Variants in SLC44A3 observed in about 807,000 individuals in gnomAD.
The protein encoded by SLC44A3 is solute carrier family 44 member 3.
A neutral mutation model predicts 75.4 loss-of-function variants in SLC44A3; 74 were observed. That is an observed-to-expected ratio of 0.98 (90% CI 0.81 to 1.19). The LOEUF (loss-of-function observed/expected upper bound fraction) is 1.19. Ranked by LOEUF, SLC44A3 falls within the 50% of genes most tolerant of loss-of-function variation. SLC44A3 has a pLI of 0.00. For missense variants in SLC44A3, 700 were observed against 778.6 expected, an observed-to-expected ratio of 0.90 and a Z score of 1.20; for synonymous variants, 310 against 296.9, an observed-to-expected ratio of 1.04 and a Z score of -0.45.
chr1:94,828,568 G>C lies in SLC44A3; in HGVS notation c.491G>C (p.Arg164Thr). The C allele has an allele frequency of 3.1e-6, 5 of 1,613,730 alleles. No individual in the cohort carries two copies. The highest frequency in any genetic ancestry group is 4.2e-6 in the Non-Finnish European group (5 of 1,179,820). ...HSPKADSLCP[R>T]LPVPPSKSFP... is the part of the protein sequence containing the mutation. Reference sequence around the variant, plus strand: ...CCAAAAGCAGACTCACTGTGTCCCAGGCTACCAGTTCCTCCAAGGTAAAAG... The same window carrying C: ...CCAAAAGCAGACTCACTGTGTCCCACGCTACCAGTTCCTCCAAGGTAAAAG... The change falls in exon 5 of 15, where the codon AGG (arginine) becomes ACG (threonine). Residue 164 changes from arginine (R) to threonine (T), a missense_variant. By Grantham distance (71) the Arg-to-Thr change is moderately conservative. Coordinates refer to ENST00000271227, the MANE Select transcript of SLC44A3 (RefSeq NM_001114106.3).
At chr1:94,825,013 A>G (rs948143057) in intron 3 of SLC44A3, among the ~76,000 whole-genome samples, 2 of 152,214 alleles carry the variant, frequency 1.3e-5, no homozygotes, top group Non-Finnish European at 2.9e-5. Flanking sequence ...AATCAGAATC[A>G]TGTTACCAAT....
intron 12 of SLC44A3, among the ~76,000 whole-genome samples, chr1:94,880,238 A>G (rs1209017549): frequency 6.6e-6 from 1 of 152,254 alleles, no homozygotes; most frequent in Non-Finnish European, 1.5e-5. Flanking sequence ...TCATCACAGC[A>G]TACGCTCAAT....
At position 94,859,522 on chromosome 1, in the gene SLC44A3, G is replaced by A. The variant is rs1666326058; in HGVS notation, c.1238+2022G>A. ...GGACAAATAAGATGCAGCCTGAAGT[G>A]AGCCACAGAATCCCAGAGAGGCTCA... On this transcript the variant is annotated intron_variant, in intron 10 of 14. Coordinates refer to ENST00000271227, the MANE Select transcript of SLC44A3 (RefSeq NM_001114106.3). 2.0e-5 allele frequency among the ~76,000 whole-genome samples: 3 copies of A among 152,202 alleles called. No individual in the cohort carries two copies. In the South Asian group the frequency reaches 6.2e-4, roughly 32 times the overall value.
In SLC44A3 at chr1:94,892,463, G is replaced by A. The variant is rs778780276; in HGVS notation, c.1803G>A (p.Leu601=). Residue 601 remains leucine (L), a synonymous_variant, in exon 14 of 15, where the codon CTG becomes CTA. Coordinates refer to ENST00000271227, the MANE Select transcript of SLC44A3 (RefSeq NM_001114106.3). ...TTTTCCTGTGTTTTGCTGTTGATCT[G>A]GAAACAAATGATGGATCGTCAGAAA... is the stretch of plus-strand genomic sequence containing the variant. ...DALFLCFAVD[L]ETNDGSSEKP... 6.2e-7 allele frequency: 1 copy of A among 1,614,132 alleles called. No individual in the cohort carries two copies. Among genetic ancestry groups the A allele is most frequent in the Non-Finnish European group, 8.5e-7 (1 of 1,180,038 alleles).
intron 13 of SLC44A3, 85 bp from the exon 14 acceptor site, chr1:94,892,196 G>A (rs1034367300): frequency 9.7e-6 from 12 of 1,230,924 alleles, no homozygotes; most frequent in East Asian, 7.0e-5. Context: ...ACACAGGAAC[G>A]TATATTAAAC....
Position 94,845,297 on chromosome 1 carries a change from T to C in SLC44A3, c.905T>C (p.Ile302Thr), listed in dbSNP as rs1300539422. Residue 302 changes from isoleucine to threonine, a missense_variant, in exon 9 of 15, where the codon ATT (isoleucine) becomes ACT (threonine). Ile to Thr is a moderately conservative substitution (Grantham distance 89, BLOSUM62 -1). Transcript: ENST00000271227. The part of the protein sequence containing the change: ...TGITAVLLVL[I>T]FVLRKRIKLT... ...CACCAGGCAGTGCTGCTCGTCTTGATTTTTGTTCTCAGAAAGAGAATAAAA... is the reference window on the plus strand; with the variant it reads ...CACCAGGCAGTGCTGCTCGTCTTGACTTTTGTTCTCAGAAAGAGAATAAAA... 1 of 1,611,294 alleles carries C rather than the reference T, an allele frequency of 6.2e-7. No homozygotes were observed. The highest frequency in any genetic ancestry group is 1.7e-5 in the Admixed American group (1 of 59,330).
At chr1:94,892,182 T>A (rs1670291915) in intron 13 of SLC44A3, 99 bp from the exon 14 acceptor site, 1 of 1,080,922 alleles carries the variant, frequency 9.3e-7, no homozygotes, top group African/African-American at 1.6e-5. Context: ...CACACACACG[T>A]TGCACACAGG....
intron 9 of SLC44A3, among the ~76,000 whole-genome samples, chr1:94,854,650 CCT>C (rs1270516451): frequency 6.6e-6 from 1 of 152,238 alleles, no homozygotes; most frequent in Non-Finnish European, 1.5e-5. Flanking sequence ...CTAGATCCAA[CCT>C]GTTTCCCGGC....
At chr1:94,887,321 G>C (rs545484269) in intron 12 of SLC44A3, among the ~76,000 whole-genome samples, 32 of 151,942 alleles carry the variant, frequency 2.1e-4, no homozygotes, top group African/African-American at 7.5e-4. Flanking sequence ...TGTGTCTTGA[G>C]TGATTCCTCC....
At chr1:94,892,616 T>C (rs1670342042) in intron 14 of SLC44A3, 99 bp downstream of exon 14, 2 of 1,179,856 alleles carry the variant, frequency 1.7e-6, no homozygotes, top group African/African-American at 1.5e-5. Context: ...CCAGCCTCTC[T>C]CTTCTAGAGG....
chr1:94,894,892 G>A lies in SLC44A3; in HGVS notation c.1932G>A (p.Glu644=), dbSNP rs772359003. The change falls in exon 15 of 15, where the codon GAG becomes GAA. Residue 644 remains glutamate, a synonymous_variant. Coordinates refer to ENST00000271227, the MANE Select transcript of SLC44A3 (RefSeq NM_001114106.3). ...ACAAGCACTCATTAAGGAATGAGGA[G>A]GGAACAGAACTCCAGGCCATTGTGA... ...QQDKHSLRNE[E]GTELQAIVR is the part of the protein sequence containing the mutation. The A allele has an allele frequency of 6.2e-6, 10 of 1,611,742 alleles. No individual in the cohort carries two copies. Among genetic ancestry groups the A allele is most frequent in the Non-Finnish European group, 8.5e-6 (10 of 1,178,624 alleles).
chr1:94,890,761 C>T (rs1670116258), intron 12 of SLC44A3, among the ~76,000 whole-genome samples: 1 of 152,174 alleles, frequency 6.6e-6, no homozygotes, highest in African/African-American at 2.4e-5. Flanking sequence ...GTACAAGAAT[C>T]GCTTGAGCCC....
At chr1:94,850,366 T>C (rs777877257) in intron 9 of SLC44A3, among the ~76,000 whole-genome samples, 3 of 152,144 alleles carry the variant, frequency 2.0e-5, no homozygotes, top group Non-Finnish European at 2.9e-5. Flanking sequence ...TGGAAAGAGC[T>C]CAGATGACCT....
intron 12 of SLC44A3, among the ~76,000 whole-genome samples, chr1:94,888,069 G>A (rs555258351): frequency 6.6e-6 from 1 of 152,230 alleles, no homozygotes; most frequent in African/African-American, 2.4e-5. Context: ...ACATCCCTTT[G>A]CGGTAGGTGC....
At chr1:94,841,850 G>A in intron 7 of SLC44A3, 150 bp from the exon 8 acceptor site, 1 of 1,062,656 alleles carries the variant, frequency 9.4e-7, no homozygotes, top group Non-Finnish European at 1.3e-6. Context: ...GGCAGCAGTT[G>A]CTTGTAGGGT....
chr1:94,836,671 T>A (rs1012651634), intron 5 of SLC44A3: 2 of 152,138 alleles, frequency 1.3e-5, no homozygotes, highest in Non-Finnish European at 2.9e-5. Flanking sequence ...ATCCCAATAC[T>A]TTGAGACATC....
intron 5 of SLC44A3, among the ~76,000 whole-genome samples, chr1:94,833,473 G>A (rs1427173568): frequency 6.6e-6 from 1 of 152,164 alleles, no homozygotes; most frequent in Non-Finnish European, 1.5e-5. Flanking sequence ...CTACAGGGCT[G>A]TCTTAGACAC....
chr1:94,838,092 G>C (rs983244860), intron 6 of SLC44A3, among the ~76,000 whole-genome samples: 1 of 152,222 alleles, frequency 6.6e-6, no homozygotes, highest in South Asian at 2.1e-4. Context: ...GGGTTGCCTT[G>C]ATATACTGAC....
At chr1:94,847,048 G>A (rs966475762) in intron 9 of SLC44A3, among the ~76,000 whole-genome samples, 8 of 152,222 alleles carry the variant, frequency 5.3e-5, no homozygotes, top group Non-Finnish European at 1.2e-4. Flanking sequence ...CTGGAAGCTC[G>A]CTGAAGGCCT....
Sources: gnomAD v4.1 joint callset for allele counts (sites outside exome capture counted in the v4.1 genomes callset) on GRCh38, gnomAD v4.1.1 for gene constraint, MANE v1.5 for transcripts, NCBI Gene and HGNC (gene_info 2026-07-23, HGNC 2026-07-21) for gene names.